Variants in RHOBTB3 observed in about 807,000 individuals in gnomAD.
RHOBTB3 encodes the protein rho-related BTB domain-containing protein 3.
In RHOBTB3, 47 loss-of-function variants were observed where a neutral mutation model predicts 67.2. That is an observed-to-expected ratio of 0.70 (90% CI 0.55 to 0.89). The LOEUF (loss-of-function observed/expected upper bound fraction) is 0.89. Ranked by LOEUF, RHOBTB3 falls within the 40% of genes least tolerant of loss-of-function variation. The probability of loss-of-function intolerance (pLI) is 0.00; values close to 1 mark genes in which losing one functional copy is unlikely to be tolerated. For missense variants in RHOBTB3, 631 were observed against 750.0 expected, an observed-to-expected ratio of 0.84 and a Z score of 1.85; for synonymous variants, 273 against 274.2, an observed-to-expected ratio of 1.00 and a Z score of 0.04.
chr5:95,776,639 G>T (rs1470935687), intron 8 of RHOBTB3, among the ~76,000 whole-genome samples: 1 of 152,174 alleles, frequency 6.6e-6, no homozygotes, highest in Non-Finnish European at 1.5e-5. Context: ...ATATACTGAG[G>T]CACCTTGATG....
chr5:95,783,084 C>G (rs908605690), intron 9 of RHOBTB3, among the ~76,000 whole-genome samples: 87 of 142,326 alleles, frequency 6.1e-4, no homozygotes, highest in East Asian at 1.4e-3. Context: ...TTTATTTTTA[C>G]TTTTTTATTT....
At chr5:95,724,702 G>A (rs1238874652) in intron 1 of RHOBTB3, among the ~76,000 whole-genome samples, 2 of 152,108 alleles carry the variant, frequency 1.3e-5, no homozygotes, top group Non-Finnish European at 2.9e-5. Context: ...CTGACCACAG[G>A]TAATCCACAA....
At chr5:95,771,294 T>G (rs926671341) in intron 8 of RHOBTB3, among the ~76,000 whole-genome samples, 2 of 152,248 alleles carry the variant, frequency 1.3e-5, no homozygotes, top group Non-Finnish European at 2.9e-5. Context: ...AAGGAAGATA[T>G]AATCTAATTT....
chr5:95,740,642 G>T lies in RHOBTB3; in HGVS notation c.415+3567G>T, dbSNP rs187563969. Reference sequence around the variant, plus strand: ...GAGTCTTGAAGCTTGAGCTTCATCAGCTTTATGGTAAATTGGCCTCTGGTG... The same window carrying T: ...GAGTCTTGAAGCTTGAGCTTCATCATCTTTATGGTAAATTGGCCTCTGGTG... On this transcript the variant is annotated intron_variant, in intron 3 of 11. Transcript: ENST00000379982. Among the ~76,000 whole-genome samples, 16 of 152,302 alleles carry T rather than the reference G, an allele frequency of 1.1e-4. No homozygotes were observed. The East Asian group carries it at 3.1e-3, about 29-fold the overall frequency.
intron 1 of RHOBTB3, 78 bp from the exon 2 acceptor site, chr5:95,731,781 C>A: frequency 6.2e-7 from 1 of 1,603,644 alleles, no homozygotes; most frequent in Admixed American, 1.7e-5. Context: ...CGCGCTGTCC[C>A]CCGCACTTCC....
intron 8 of RHOBTB3, among the ~76,000 whole-genome samples, chr5:95,773,527 T>C (rs3734133): frequency 0.59 from 90,421 of 152,024 alleles, 27,675 homozygotes; most frequent in African/African-American, 0.69. Context: ...GCTTTGCGTC[T>C]TGACCAGTGT....
intron 5 of RHOBTB3, among the ~76,000 whole-genome samples, chr5:95,754,898 T>G (rs1185944945): frequency 1.3e-5 from 2 of 152,216 alleles, no homozygotes; most frequent in African/African-American, 2.4e-5. Flanking sequence ...GCCCTCTACC[T>G]CTACTTCTGG....
intron 1 of RHOBTB3, among the ~76,000 whole-genome samples, chr5:95,724,863 C>T (rs2112752646): frequency 6.6e-6 from 1 of 152,104 alleles, no homozygotes; most frequent in East Asian, 1.9e-4. Context: ...TAATGTAATG[C>T]CTGGTACATG....
intron 3 of RHOBTB3, 64 bp downstream of exon 3, chr5:95,737,139 TA>T: frequency 9.2e-7 from 1 of 1,092,874 alleles, no homozygotes; most frequent in Non-Finnish European, 1.3e-6. Context: ...TAAATAGTGC[TA>T]AGTTTATTAA....
intron 8 of RHOBTB3, chr5:95,769,579 C>T (rs1745645650): frequency 5.8e-6 from 1 of 172,504 alleles, no homozygotes; most frequent in Non-Finnish European, 1.2e-5. Context: ...AAAGGGTTGT[C>T]ATCACAGTAA....
intron 8 of RHOBTB3, among the ~76,000 whole-genome samples, chr5:95,778,994 A>G (rs569198036): frequency 3.3e-5 from 5 of 152,358 alleles, no homozygotes; most frequent in Admixed American, 1.3e-4. Context: ...GGTGTTGCCT[A>G]TAGATCCTGA....
chr5:95,725,497 C>T (rs115521012), intron 1 of RHOBTB3, among the ~76,000 whole-genome samples: 230 of 152,382 alleles, frequency 1.5e-3, no homozygotes, highest in African/African-American at 5.0e-3. Flanking sequence ...CACACAAGCG[C>T]ACGCCTTTGC....
chr5:95,767,101 C>T (rs1745568795), intron 7 of RHOBTB3, among the ~76,000 whole-genome samples: 1 of 152,040 alleles, frequency 6.6e-6, no homozygotes, highest in African/African-American at 2.4e-5. Context: ...GTCCCAGCTT[C>T]TCGGGAGGCT....
intron 3 of RHOBTB3, among the ~76,000 whole-genome samples, chr5:95,740,740 TG>T (rs1755571517): frequency 6.6e-6 from 1 of 152,244 alleles, no homozygotes; most frequent in Admixed American, 6.5e-5. Flanking sequence ...AGTCAGATCA[TG>T]GCGCTCAATG....
At chr5:95,765,167 CCTCT>C (rs970568300) in intron 7 of RHOBTB3, among the ~76,000 whole-genome samples, 4 of 151,786 alleles carry the variant, frequency 2.6e-5, no homozygotes, top group Non-Finnish European at 5.9e-5. Context: ...AGATTCTCTC[CCTCT>C]CTCTCCAGTT....
rs1318708374 is a variant in RHOBTB3, at chr5:95,794,311, CTG to C, written c.*1139_*1140del. The C allele has an allele frequency of 5.8e-6, 1 of 172,480 alleles. No individual in the cohort carries two copies. Among genetic ancestry groups the C allele is most frequent in the East Asian group, 1.6e-4 (1 of 6,424 alleles). The allele number at this position is 172,480 out of a possible 1,614,324, so 10.7% of individuals were successfully genotyped here. ...AAAGATGTTCACAGAGAAAGATGCTCTGTAGAGAATTTGCTACCGAAGTTGGC... is the reference window on the plus strand; with the variant it reads ...AAAGATGTTCACAGAGAAAGATGCTCTAGAGAATTTGCTACCGAAGTTGGC... On this transcript the variant is annotated 3_prime_UTR_variant, in exon 12 of 12. Coordinates refer to ENST00000379982, the MANE Select transcript of RHOBTB3 (RefSeq NM_014899.4).
In RHOBTB3 at chr5:95,731,509, C is replaced by T. The variant is rs1305156044; in HGVS notation, c.-174C>T. 1.9e-5 allele frequency: 24 copies of T among 1,252,266 alleles called. No homozygotes were observed. Among genetic ancestry groups the T allele is most frequent in the Non-Finnish European group, 2.4e-5 (24 of 1,002,412 alleles). 77.6% of individuals were successfully genotyped at this position (1,252,266 alleles called of 1,614,324 possible). On this transcript the variant is annotated 5_prime_UTR_variant, in exon 1 of 12. Transcript: ENST00000379982. ...CCCGCCCTGGTCCCCGGCTCGCTCG[C>T]TGGCTGGCGCGGCCCCGGCCCCGCT...
At chr5:95,781,602 G>A (rs545417969) in intron 9 of RHOBTB3, 2 of 152,366 alleles carry the variant, frequency 1.3e-5, no homozygotes, top group Admixed American at 6.5e-5. Context: ...CCTGTAATCT[G>A]AGCACTTTGG....
intron 10 of RHOBTB3, 95 bp from the exon 11 acceptor site, chr5:95,788,667 G>T (rs1051690942): frequency 1.3e-6 from 1 of 761,126 alleles, no homozygotes; most frequent in Non-Finnish European, 2.2e-6. Flanking sequence ...ACATGAATAT[G>T]GGCTCTCCGT....
Sources: allele counts gnomAD v4.1 joint callset (sites outside exome capture counted in the v4.1 genomes callset), GRCh38; gene constraint gnomAD v4.1.1; transcripts MANE v1.5; gene names NCBI Gene and HGNC (gene_info 2026-07-23, HGNC 2026-07-21).